Variants in SLC6A11 observed in about 807,000 individuals in gnomAD.
The protein encoded by SLC6A11 is solute carrier family 6 member 11.
A neutral mutation model predicts 74.8 loss-of-function variants in SLC6A11; 25 were observed. The ratio of observed to expected loss-of-function variants is 0.33; its 90% CI spans 0.24 to 0.47. The LOEUF (loss-of-function observed/expected upper bound fraction) is 0.47, where lower values mean the gene tolerates loss of function less well. Among genes scored for constraint, SLC6A11 ranks in the 20% least tolerant of loss-of-function variants. The pLI is 1.00. For missense variants in SLC6A11, 574 were observed against 837.0 expected (o/e 0.69, Z 3.88); for synonymous variants, 330 against 330.2 (o/e 1.00, Z 0.01).
intron 9 of SLC6A11, among the ~76,000 whole-genome samples, chr3:10,927,273 G>A (rs1695621185): frequency 6.6e-6 from 1 of 152,218 alleles, no homozygotes; most frequent in Admixed American, 6.5e-5. Context: ...AGGCCTGCCT[G>A]GCAGAGGGAG....
chr3:10,906,329 TG>T (rs1274724229), intron 6 of SLC6A11, among the ~76,000 whole-genome samples: 2 of 152,212 alleles, frequency 1.3e-5, no homozygotes, highest in Admixed American at 6.5e-5. Flanking sequence ...AAAAACCCTA[TG>T]GACAGCACCT....
At position 10,938,765 on chromosome 3, in the gene SLC6A11, G is replaced by C. The variant is rs192087827; in HGVS notation, c.*363G>C. 6.2e-6 allele frequency: 1 copy of C among 162,290 alleles called. No individual in the cohort carries two copies. Among genetic ancestry groups the C allele is most frequent in the Admixed American group, 6.4e-5 (1 of 15,676 alleles). 10.1% of individuals were successfully genotyped at this position (162,290 alleles called of 1,614,324 possible). On this transcript the variant is annotated 3_prime_UTR_variant, in exon 14 of 14. Transcript: ENST00000254488. ...TGGGGAGTGATGGCTGTCCTCCTCT[G>C]TCGGCCTTTTAATGACCGTTCTGTG... is the stretch of plus-strand genomic sequence containing the variant.
intron 6 of SLC6A11, among the ~76,000 whole-genome samples, chr3:10,880,714 G>C (rs1168144567): frequency 6.6e-6 from 1 of 152,146 alleles, no homozygotes; most frequent in Non-Finnish European, 1.5e-5. Flanking sequence ...GCCAGGAGGG[G>C]GTGAAATGAG....
At position 10,830,091 on chromosome 3, in the gene SLC6A11, C is replaced by T. The variant is rs139414776; in HGVS notation, c.623+6699C>T. The stretch of plus-strand genomic sequence containing the variant: ...AAAAACAAAAAGAGTTTTTGAATTA[C>T]GAGGTAACAGATATATCTGTAGGAT... On this transcript the variant is annotated intron_variant, in intron 4 of 13. Transcript: ENST00000254488. Among the ~76,000 whole-genome samples the T allele has an allele frequency of 1.5e-3, 231 of 152,016 alleles. 2 individuals are homozygous for T. Among genetic ancestry groups the T allele is most frequent in the African/African-American group, 5.2e-3 (216 of 41,468 alleles).
At chr3:10,857,101 A>G (rs903038221) in intron 5 of SLC6A11, among the ~76,000 whole-genome samples, 2 of 152,164 alleles carry the variant, frequency 1.3e-5, no homozygotes, top group Non-Finnish European at 2.9e-5. Flanking sequence ...AAGATAATCA[A>G]CATGATTCTG....
chr3:10,850,151 C>G (rs1398436006), intron 5 of SLC6A11, among the ~76,000 whole-genome samples: 1 of 152,128 alleles, frequency 6.6e-6, no homozygotes, highest in Non-Finnish European at 1.5e-5. Flanking sequence ...CAAACAAATT[C>G]TCACTTGACA....
At chr3:10,864,303 C>G (rs1694738094) in intron 5 of SLC6A11, among the ~76,000 whole-genome samples, 1 of 151,380 alleles carries the variant, frequency 6.6e-6, no homozygotes, top group African/African-American at 2.4e-5. Context: ...CCCGATGATG[C>G]CTGACAGGAA....
At chr3:10,887,893 C>A (rs1695063890) in intron 6 of SLC6A11, among the ~76,000 whole-genome samples, 1 of 152,182 alleles carries the variant, frequency 6.6e-6, no homozygotes, top group Admixed American at 6.5e-5. Context: ...GATAGGGAAT[C>A]ATAAGAAATA....
intron 5 of SLC6A11, among the ~76,000 whole-genome samples, chr3:10,854,739 C>T (rs1468157507): frequency 6.6e-6 from 1 of 152,204 alleles, no homozygotes; most frequent in Non-Finnish European, 1.5e-5. Flanking sequence ...TAATATCACT[C>T]CTGAGTCCAG....
intron 5 of SLC6A11, among the ~76,000 whole-genome samples, chr3:10,855,514 C>T (rs893388981): frequency 6.6e-6 from 1 of 152,224 alleles, no homozygotes; most frequent in Non-Finnish European, 1.5e-5. Flanking sequence ...TTATCAGCAG[C>T]AGCATCCAGC....
chr3:10,932,991 G>T (rs1695710653), intron 10 of SLC6A11, among the ~76,000 whole-genome samples, 160 bp from the exon 11 acceptor site: 1 of 152,150 alleles, frequency 6.6e-6, no homozygotes, highest in South Asian at 2.1e-4. Flanking sequence ...TCCCAGATGG[G>T]AGGGTGCAAT....
intron 8 of SLC6A11, among the ~76,000 whole-genome samples, chr3:10,919,001 A>G (rs1380446771): frequency 6.6e-6 from 1 of 152,042 alleles, no homozygotes; most frequent in East Asian, 1.9e-4. Context: ...CGGTCCCACC[A>G]CAGCGGTCTG....
At position 10,938,517 on chromosome 3, in the gene SLC6A11, A is replaced by T. The variant is rs1695785737; in HGVS notation, c.*115A>T. 8.8e-7 allele frequency: 1 copy of T among 1,138,900 alleles called. No homozygotes were observed. Among genetic ancestry groups the T allele is most frequent in the Non-Finnish European group, 1.2e-6 (1 of 817,010 alleles). 70.5% of individuals were successfully genotyped at this position (1,138,900 alleles called of 1,614,324 possible). On this transcript the variant is annotated 3_prime_UTR_variant, in exon 14 of 14. Coordinates refer to ENST00000254488, the MANE Select transcript of SLC6A11 (RefSeq NM_014229.3). ...GGGCTTGCTTGTTTTGCACAGGATT[A>T]ATTAACAAGTTAATTTTAAGGTGGC...
At chr3:10,819,653 A>C (rs1049153054) in intron 2 of SLC6A11, 54 bp downstream of exon 2, 3 of 1,610,804 alleles carry the variant, frequency 1.9e-6, no homozygotes, top group African/African-American at 1.3e-5. Context: ...TGTCAACTGC[A>C]AAGGCAGATT....
intron 6 of SLC6A11, among the ~76,000 whole-genome samples, chr3:10,887,602 C>T (rs1695060630): frequency 6.6e-6 from 1 of 152,140 alleles, no homozygotes; most frequent in African/African-American, 2.4e-5. Flanking sequence ...TGCGCCTCCA[C>T]ATCTGGCTAA....
intron 6 of SLC6A11, among the ~76,000 whole-genome samples, chr3:10,877,524 G>A (rs867562652): frequency 1.8e-4 from 27 of 152,178 alleles, no homozygotes; most frequent in African/African-American, 5.8e-4. Flanking sequence ...TTTTTAGTGA[G>A]GGTGTTTTAT....
intron 5 of SLC6A11, among the ~76,000 whole-genome samples, chr3:10,845,925 G>A (rs77499396): frequency 0.058 from 8,852 of 152,244 alleles, 368 homozygotes; most frequent in South Asian, 0.14. Flanking sequence ...CAGGAAAAAA[G>A]CTGGAGGTAA....
chr3:10,859,372 T>C (rs1238027404), intron 5 of SLC6A11, among the ~76,000 whole-genome samples: 1 of 152,058 alleles, frequency 6.6e-6, no homozygotes, highest in African/African-American at 2.4e-5. Context: ...AGAAATATGG[T>C]AGGAGGCAGT....
At chr3:10,909,297 A>G (rs1695352546) in intron 6 of SLC6A11, among the ~76,000 whole-genome samples, 2 of 152,096 alleles carry the variant, frequency 1.3e-5, no homozygotes, top group South Asian at 2.1e-4. Context: ...GTTACCGAAA[A>G]AGGAAAGATG....
Sources: allele counts gnomAD v4.1 joint callset (sites outside exome capture counted in the v4.1 genomes callset), GRCh38; gene constraint gnomAD v4.1.1; transcripts MANE v1.5; gene names NCBI Gene and HGNC (gene_info 2026-07-23, HGNC 2026-07-21).